The following IGF1R variants were observed in gnomAD, a reference collection of about 807,000 sequenced individuals.
IGF1R encodes insulin-like growth factor 1 receptor.
IGF1R carries 44 observed loss-of-function variants against 144.6 expected under a neutral mutation model. The ratio of observed to expected loss-of-function variants is 0.30; its 90% CI spans 0.24 to 0.39. The LOEUF (loss-of-function observed/expected upper bound fraction) is 0.39. IGF1R is among the 10% of genes least tolerant of loss of function. The pLI is 1.00. For synonymous variants in IGF1R, 795 were observed against 722.8 expected, an observed-to-expected ratio of 1.10 and a Z score of -1.60; for missense variants, 1,355 against 1,833.7, an observed-to-expected ratio of 0.74 and a Z score of 4.77.
At chr15:98,872,931 C>G (rs1458534309) in intron 2 of IGF1R, among the ~76,000 whole-genome samples, 5 of 151,362 alleles carry the variant, frequency 3.3e-5, no homozygotes, top group African/African-American at 1.2e-4. Context: ...TAGGCTGTTT[C>G]TAAATTTTTT....
intron 10 of IGF1R, 62 bp downstream of exon 10, chr15:98,916,938 T>C: frequency 7.1e-7 from 1 of 1,411,008 alleles, no homozygotes. Flanking sequence ...TTCTGTTGCC[T>C]TTCTCCCCAC....
intron 3 of IGF1R, among the ~76,000 whole-genome samples, chr15:98,894,724 T>C (rs1170311419): frequency 6.6e-6 from 1 of 152,174 alleles, no homozygotes. Flanking sequence ...GCCAACATGG[T>C]GAAACCGTGT....
intron 2 of IGF1R, among the ~76,000 whole-genome samples, chr15:98,876,386 A>G (rs1393949322): frequency 2.6e-5 from 4 of 151,924 alleles, no homozygotes; most frequent in African/African-American, 4.8e-5. Flanking sequence ...GTGTGGGGTC[A>G]GATTTTTTCC....
At chr15:98,946,096 A>G (rs968080404) in intron 19 of IGF1R, among the ~76,000 whole-genome samples, 1 of 149,406 alleles carries the variant, frequency 6.7e-6, no homozygotes, top group African/African-American at 2.5e-5. Context: ...AGAGGAGGCA[A>G]TTCTGACAGT....
intron 2 of IGF1R, among the ~76,000 whole-genome samples, chr15:98,801,469 G>C (rs1191150058): frequency 1.3e-5 from 2 of 152,226 alleles, no homozygotes; most frequent in African/African-American, 4.8e-5. Context: ...GGTTACAGCT[G>C]CCTGTGTGAG....
rs74035309 is a variant in IGF1R at position 98,651,238 on chromosome 15, C to T, written c.94+1563C>T. Among the ~76,000 whole-genome samples the T allele has an allele frequency of 4.1e-3, 623 of 152,302 alleles. 4 individuals carry two copies. Among genetic ancestry groups the T allele is most frequent in the African/African-American group, 0.014 (583 of 41,554 alleles). On this transcript the variant is annotated intron_variant, in intron 1 of 20. Coordinates refer to ENST00000650285, the MANE Select transcript of IGF1R (RefSeq NM_000875.5). Reference sequence around the variant, plus strand: ...AGAAAGGCTGTTTCTATAAACAAATCCTTAAACGTCTGGTAAGAAATGAGT... The same window carrying T: ...AGAAAGGCTGTTTCTATAAACAAATTCTTAAACGTCTGGTAAGAAATGAGT...
At chr15:98,735,864 T>C (rs1342881753) in intron 2 of IGF1R, among the ~76,000 whole-genome samples, 1 of 152,236 alleles carries the variant, frequency 6.6e-6, no homozygotes, top group Non-Finnish European at 1.5e-5. Context: ...TGCTTCTGGC[T>C]TCTCCTTCCT....
At chr15:98,930,151 G>T in intron 14 of IGF1R, 84 bp from the exon 15 acceptor site, 1 of 930,172 alleles carries the variant, frequency 1.1e-6, no homozygotes, top group South Asian at 1.4e-5. Flanking sequence ...GAGGATAAAT[G>T]AAACTGTTGT....
chr15:98,789,956 AGTGTCT>A (rs1487020675), intron 2 of IGF1R, among the ~76,000 whole-genome samples: 3 of 152,210 alleles, frequency 2.0e-5, no homozygotes, highest in Non-Finnish European at 4.4e-5. Context: ...GCCAACATTT[AGTGTCT>A]GTGACTTAGC....
At chr15:98,819,121 AG>A (rs1052836465) in intron 2 of IGF1R, among the ~76,000 whole-genome samples, 3 of 151,902 alleles carry the variant, frequency 2.0e-5, no homozygotes, top group Non-Finnish European at 1.5e-5. Flanking sequence ...TCAGACATCC[AG>A]GGGGGGCAAG....
intron 2 of IGF1R, among the ~76,000 whole-genome samples, chr15:98,772,350 A>C (rs1019124577): frequency 2.0e-5 from 3 of 151,954 alleles, no homozygotes; most frequent in African/African-American, 7.2e-5. Context: ...GTTGTTTTCA[A>C]ATTGAGTTCT....
chr15:98,674,280 C>A (rs2052973774), intron 1 of IGF1R, among the ~76,000 whole-genome samples: 1 of 152,192 alleles, frequency 6.6e-6, no homozygotes, highest in South Asian at 2.1e-4. Context: ...AAACTGTTAG[C>A]TCCATGAAAG....
At chr15:98,876,003 G>A (rs78738979) in intron 2 of IGF1R, among the ~76,000 whole-genome samples, 1 of 152,162 alleles carries the variant, frequency 6.6e-6, no homozygotes, top group Non-Finnish European at 1.5e-5. Context: ...TCCTAAAACT[G>A]TAAGTGATGT....
chr15:98,761,139 C>A (rs894249531), intron 2 of IGF1R, among the ~76,000 whole-genome samples: 5 of 152,182 alleles, frequency 3.3e-5, no homozygotes, highest in Non-Finnish European at 7.3e-5. Flanking sequence ...TCTTGGGCAA[C>A]CCTGGCTCTG....
intron 2 of IGF1R, among the ~76,000 whole-genome samples, chr15:98,803,651 A>C (rs572913811): frequency 1.1e-3 from 170 of 152,146 alleles, no homozygotes; most frequent in African/African-American, 3.9e-3. Context: ...GACTAGACGC[A>C]CACACCACCA....
intron 1 of IGF1R, among the ~76,000 whole-genome samples, chr15:98,677,198 A>G (rs2141207739): frequency 6.6e-6 from 1 of 152,178 alleles, no homozygotes; most frequent in African/African-American, 2.4e-5. Flanking sequence ...TCACCTCCCA[A>G]AGTGCTGGCA....
chr15:98,705,990 A>G (rs2053852224), intron 1 of IGF1R, among the ~76,000 whole-genome samples: 1 of 152,202 alleles, frequency 6.6e-6, no homozygotes, highest in Non-Finnish European at 1.5e-5. Context: ...ATATTTACCG[A>G]GCTTTAAATC....
chr15:98,929,122 A>G (rs1163334569), intron 13 of IGF1R, among the ~76,000 whole-genome samples: 2 of 152,084 alleles, frequency 1.3e-5, no homozygotes, highest in Non-Finnish European at 2.9e-5. Flanking sequence ...TGAGATCACA[A>G]AGACCGCTTA....
intron 10 of IGF1R, among the ~76,000 whole-genome samples, chr15:98,919,167 G>A (rs754864702): frequency 2.0e-5 from 3 of 152,274 alleles, no homozygotes; most frequent in South Asian, 4.1e-4. Context: ...TTAAGAATCC[G>A]TTTGGGACCT....
Sources: allele counts gnomAD v4.1 joint callset (sites outside exome capture counted in the v4.1 genomes callset), GRCh38; gene constraint gnomAD v4.1.1; transcripts MANE v1.5; gene names NCBI Gene and HGNC (gene_info 2026-07-23, HGNC 2026-07-21).